PHLDB2: variants seen among roughly 807,000 people sequenced by gnomAD.
The protein encoded by PHLDB2 is pleckstrin homology-like domain family B member 2.
In PHLDB2, 71 loss-of-function variants were observed where a neutral mutation model predicts 123.6. The ratio of observed to expected loss-of-function variants is 0.57; its 90% CI spans 0.47 to 0.70. The LOEUF (loss-of-function observed/expected upper bound fraction) is 0.70, where lower values mean the gene tolerates loss of function less well. Among genes scored for constraint, PHLDB2 ranks in the 30% least tolerant of loss-of-function variants. The probability of loss-of-function intolerance (pLI) is 0.00; values close to 1 mark genes in which losing one functional copy is unlikely to be tolerated. For synonymous variants in PHLDB2, 547 were observed against 541.6 expected (o/e 1.01, Z -0.14); for missense variants, 1,446 against 1,519.5 (o/e 0.95, Z 0.80).
At chr3:111,890,735 T>C (rs367878130) in intron 2 of PHLDB2, among the ~76,000 whole-genome samples, 2 of 152,202 alleles carry the variant, frequency 1.3e-5, no homozygotes, top group African/African-American at 4.8e-5. Context: ...CGAACTGTAA[T>C]TATGTATCTC....
intron 1 of PHLDB2, among the ~76,000 whole-genome samples, chr3:111,815,144 C>A (rs2062016146): frequency 6.6e-6 from 1 of 152,164 alleles, no homozygotes; most frequent in African/African-American, 2.4e-5. Context: ...TGAGGCCTCC[C>A]CATCCATGTG....
chr3:111,756,496 G>C (rs1391641603), intron 1 of PHLDB2, among the ~76,000 whole-genome samples: 1 of 152,002 alleles, frequency 6.6e-6, no homozygotes, highest in Admixed American at 6.6e-5. Flanking sequence ...TTTTCCATTT[G>C]CTTGGTAGAT....
chr3:111,773,874 C>T (rs1472216494), intron 1 of PHLDB2, among the ~76,000 whole-genome samples: 1 of 152,186 alleles, frequency 6.6e-6, no homozygotes, highest in Non-Finnish European at 1.5e-5. Context: ...ACTACCATGT[C>T]ACTTCTTGTG....
chr3:111,780,265 A>G, intron 1 of PHLDB2, among the ~76,000 whole-genome samples: 1 of 52,794 alleles, frequency 1.9e-5, no homozygotes, highest in Non-Finnish European at 3.8e-5. Context: ...TAAAAGAAGA[A>G]GAAGAAAAGA....
At chr3:111,827,577 A>T (rs1183060150) in intron 1 of PHLDB2, among the ~76,000 whole-genome samples, 1 of 149,270 alleles carries the variant, frequency 6.7e-6, no homozygotes, top group African/African-American at 2.5e-5. Context: ...CGGGAGGCTG[A>T]GGCGGAGAAT....
In PHLDB2 at chr3:111,825,987, T is replaced by C. The variant is rs556358915; in HGVS notation, c.-48-19834T>C. On this transcript the variant is annotated intron_variant, in intron 1 of 17. Transcript: ENST00000393923. ...ATTATTTTATTTTTGTCATTTTTCC[T>C]TATTACATTTATTATTATTAATATT... Among the ~76,000 whole-genome samples, 6 of 152,188 alleles carry C rather than the reference T, an allele frequency of 3.9e-5. No homozygotes were observed. In the South Asian group the frequency reaches 1.2e-3, roughly 32 times the overall value.
At chr3:111,767,843 G>C (rs959908883) in intron 1 of PHLDB2, among the ~76,000 whole-genome samples, 2 of 152,090 alleles carry the variant, frequency 1.3e-5, no homozygotes, top group Admixed American at 6.6e-5. Flanking sequence ...TTTAAATGTG[G>C]CTACTAAATT....
In PHLDB2 at chr3:111,970,990, G is replaced by A. The variant is rs530526609; in HGVS notation, c.3535+1081G>A. Among the ~76,000 whole-genome samples the A allele has an allele frequency of 2.6e-5, 4 of 152,216 alleles. No homozygotes were observed. In the East Asian group the frequency reaches 5.8e-4, roughly 22 times the overall value. On this transcript the variant is annotated intron_variant, in intron 16 of 17. Transcript: ENST00000431670. ...GAAAATGGGTGAGGAGCTGGTAGGG[G>A]AATGCCTGCCTTTCACCGAGGAGCT...
intron 1 of PHLDB2, chr3:111,845,802 C>A (rs756255482): frequency 1.2e-6 from 2 of 1,612,218 alleles, no homozygotes; most frequent in South Asian, 2.2e-5. Context: ...TGGTACCTCT[C>A]TTTTCTTGCT....
intron 13 of PHLDB2, among the ~76,000 whole-genome samples, chr3:111,964,971 T>C (rs1288161209): frequency 6.6e-6 from 1 of 152,196 alleles, no homozygotes; most frequent in Non-Finnish European, 1.5e-5. Flanking sequence ...TGTCACAAAC[T>C]ACACTATAGA....
chr3:111,965,791 CAAATAGAATGTAAGCGGTGGA>C (rs2071711086), intron 13 of PHLDB2, among the ~76,000 whole-genome samples: 2 of 152,168 alleles, frequency 1.3e-5, no homozygotes, highest in South Asian at 4.1e-4. Context: ...CCAGAACAGT[CAAATAGAATGTAAGCGGTGGA>C]AAATAAAATT....
chr3:111,759,433 G>T (rs2059956753), intron 1 of PHLDB2, among the ~76,000 whole-genome samples: 1 of 152,070 alleles, frequency 6.6e-6, no homozygotes, highest in Non-Finnish European at 1.5e-5. Flanking sequence ...CTGTCACATT[G>T]GTGATTAGGT....
chr3:111,858,990 A>C (rs2064646934), upstream of PHLDB2, among the ~76,000 whole-genome samples: 1 of 152,238 alleles, frequency 6.6e-6, no homozygotes, highest in East Asian at 1.9e-4. Flanking sequence ...GGAAAATATA[A>C]AAACTTTCAA....
intron 1 of PHLDB2, among the ~76,000 whole-genome samples, chr3:111,774,792 T>C (rs141193835): frequency 3.9e-5 from 6 of 152,260 alleles, no homozygotes; most frequent in African/African-American, 1.2e-4. Flanking sequence ...AAGAGAAATA[T>C]TTTCATGATC....
chr3:111,873,296 G>A (rs1019111897), intron 1 of PHLDB2, among the ~76,000 whole-genome samples: 3 of 151,946 alleles, frequency 2.0e-5, no homozygotes, highest in African/African-American at 7.2e-5. Flanking sequence ...GTATATTTGA[G>A]AGGAGGAAAA....
intron 15 of PHLDB2, among the ~76,000 whole-genome samples, chr3:111,968,922 T>C (rs2071987959): frequency 1.3e-5 from 2 of 152,176 alleles, no homozygotes; most frequent in Admixed American, 1.3e-4. Context: ...AATTAGGTCA[T>C]TTCCCCGAGG....
chr3:111,919,402 T>TTC (rs2068363571), intron 4 of PHLDB2, among the ~76,000 whole-genome samples, 187 bp downstream of exon 4: 1 of 151,970 alleles, frequency 6.6e-6, no homozygotes, highest in Admixed American at 6.6e-5. Context: ...TCTTTTTTTT[T>TTC]CCAACCAGAT....
intron 5 of PHLDB2, 98 bp downstream of exon 5, chr3:111,920,517 TTG>T: frequency 7.1e-7 from 1 of 1,413,354 alleles, no homozygotes; most frequent in Non-Finnish European, 9.5e-7. Flanking sequence ...GGTTTTGGAT[TTG>T]TGTGTCATGT....
At chr3:111,795,960 G>A (rs1450514379) in intron 1 of PHLDB2, among the ~76,000 whole-genome samples, 3 of 152,242 alleles carry the variant, frequency 2.0e-5, no homozygotes, top group African/African-American at 7.2e-5. Context: ...GCAGTGGCGC[G>A]ATCTCGGCTG....
Sources: allele counts gnomAD v4.1 joint callset (sites outside exome capture counted in the v4.1 genomes callset), GRCh38; gene constraint gnomAD v4.1.1; transcripts MANE v1.5; gene names NCBI Gene and HGNC (gene_info 2026-07-23, HGNC 2026-07-21).